DIAPH3: variants seen among roughly 807,000 people sequenced by gnomAD.
DIAPH3 encodes the protein diaphanous related formin 3.
A neutral mutation model predicts 144.3 loss-of-function variants in DIAPH3; 117 were observed. That is an observed-to-expected ratio of 0.81 (90% CI 0.70 to 0.95). The LOEUF (loss-of-function observed/expected upper bound fraction) is 0.95. Among genes scored for constraint, DIAPH3 ranks in the 40% least tolerant of loss-of-function variants. DIAPH3 has a pLI of 0.00. For missense variants in DIAPH3, 1,421 were observed against 1,412.7 expected, an observed-to-expected ratio of 1.01 and a Z score of -0.09; for synonymous variants, 519 against 488.9, an observed-to-expected ratio of 1.06 and a Z score of -0.81.
At chr13:59,750,926 T>C (rs746570036) in intron 27 of DIAPH3, among the ~76,000 whole-genome samples, 2 of 152,210 alleles carry the variant, frequency 1.3e-5, no homozygotes, top group Non-Finnish European at 2.9e-5. Flanking sequence ...CTCTCCCAGA[T>C]CAACAGTTGT....
intron 2 of DIAPH3, among the ~76,000 whole-genome samples, chr13:60,128,666 T>C (rs1412489145): frequency 6.6e-6 from 1 of 152,150 alleles, no homozygotes; most frequent in Non-Finnish European, 1.5e-5. Flanking sequence ...TAGACACTAA[T>C]GCAAAGACCT....
chr13:60,153,144 C>A (rs1951877614), intron 1 of DIAPH3, among the ~76,000 whole-genome samples: 1 of 152,000 alleles, frequency 6.6e-6, no homozygotes, highest in Non-Finnish European at 1.5e-5. Flanking sequence ...GAGGGCCAAG[C>A]AACATCATGA....
rs139173809 is a variant in DIAPH3 at position 59,910,677 on chromosome 13, C to T, written c.2367+1058G>A. ...CTGGGAGGCGCAGGTTTTGGTGAGTCGAGATTGCACCACTTGCACTCCAGC... is the reference window on the plus strand; with the variant it reads ...CTGGGAGGCGCAGGTTTTGGTGAGTTGAGATTGCACCACTTGCACTCCAGC... On this transcript the variant is annotated intron_variant, in intron 20 of 27. Transcript: ENST00000400324. 4.1e-4 allele frequency among the ~76,000 whole-genome samples: 61 copies of T among 148,616 alleles called. 1 individual carries two copies. Among genetic ancestry groups the T allele is most frequent in the East Asian group, 6.0e-4 (3 of 5,032 alleles).
At chr13:59,763,943 C>T (rs1368246494) in intron 27 of DIAPH3, among the ~76,000 whole-genome samples, 2 of 151,900 alleles carry the variant, frequency 1.3e-5, no homozygotes, top group Non-Finnish European at 2.9e-5. Context: ...CGAGCTAGTA[C>T]TGTGGGGAGG....
chr13:59,979,624 AT>A (rs766085625), intron 14 of DIAPH3, among the ~76,000 whole-genome samples: 1 of 151,678 alleles, frequency 6.6e-6, no homozygotes, highest in Non-Finnish European at 1.5e-5. Flanking sequence ...CCCTTAGGAC[AT>A]TTATAATGTT....
chr13:59,876,424 A>G (rs973611014), intron 21 of DIAPH3, among the ~76,000 whole-genome samples: 8 of 152,236 alleles, frequency 5.3e-5, no homozygotes, highest in African/African-American at 1.4e-4. Context: ...CAGACAGATT[A>G]ACTGGTTTGC....
intron 2 of DIAPH3, among the ~76,000 whole-genome samples, chr13:60,128,011 C>G (rs1275455875): frequency 6.6e-6 from 1 of 152,012 alleles, no homozygotes; most frequent in East Asian, 1.9e-4. Context: ...AGGTACTGGT[C>G]CTAGTACTAG....
At chr13:59,673,085 A>G (rs2032463555) in intron 27 of DIAPH3, among the ~76,000 whole-genome samples, 1 of 152,226 alleles carries the variant, frequency 6.6e-6, no homozygotes, top group Admixed American at 6.5e-5. Context: ...GTGTAGGGCT[A>G]CAAGGAAGCT....
At chr13:59,861,729 T>C (rs975176376) in intron 21 of DIAPH3, among the ~76,000 whole-genome samples, 193 bp from the exon 22 acceptor site, 5 of 152,156 alleles carry the variant, frequency 3.3e-5, no homozygotes, top group Admixed American at 6.5e-5. Flanking sequence ...AAAATCATTA[T>C]TTGTCGCAAA....
At chr13:60,152,085 C>T (rs1409025519) in intron 1 of DIAPH3, among the ~76,000 whole-genome samples, 1 of 152,062 alleles carries the variant, frequency 6.6e-6, no homozygotes, top group Non-Finnish European at 1.5e-5. Context: ...AAACAGCCAA[C>T]CTCGGAAAAA....
At chr13:60,135,265 T>G (rs1030471625) in intron 1 of DIAPH3, among the ~76,000 whole-genome samples, 1 of 144,796 alleles carries the variant, frequency 6.9e-6, no homozygotes, top group South Asian at 2.2e-4. Context: ...TTTTTTTTTT[T>G]AATATATACA....
chr13:59,852,823 T>C (rs1290366822), intron 22 of DIAPH3, among the ~76,000 whole-genome samples: 1 of 152,180 alleles, frequency 6.6e-6, no homozygotes, highest in East Asian at 1.9e-4. Context: ...ACAATACATA[T>C]TAAAATTCTA....
intron 20 of DIAPH3, among the ~76,000 whole-genome samples, chr13:59,900,967 C>T (rs1051529744): frequency 6.6e-6 from 1 of 152,196 alleles, no homozygotes; most frequent in African/African-American, 2.4e-5. Context: ...CTGTCAGAAA[C>T]TCTAATTCAC....
chr13:59,869,538 T>C (rs2044130802), intron 21 of DIAPH3, among the ~76,000 whole-genome samples: 1 of 152,220 alleles, frequency 6.6e-6, no homozygotes, highest in Admixed American at 6.5e-5. Flanking sequence ...AAATTACTTT[T>C]AACAAGGCCT....
At chr13:59,889,780 C>A (rs760062932) in intron 20 of DIAPH3, among the ~76,000 whole-genome samples, 3 of 152,046 alleles carry the variant, frequency 2.0e-5, no homozygotes, top group Non-Finnish European at 2.9e-5. Flanking sequence ...GGGTGATCAT[C>A]TTAAGTTGTA....
At chr13:60,133,658 C>T (rs1939836051) in intron 1 of DIAPH3, among the ~76,000 whole-genome samples, 2 of 152,010 alleles carry the variant, frequency 1.3e-5, no homozygotes, top group South Asian at 4.1e-4. Context: ...TAAGACCATT[C>T]TAGAGAGTGA....
At chr13:59,976,509 T>C (rs918154367) in intron 14 of DIAPH3, among the ~76,000 whole-genome samples, 1 of 151,974 alleles carries the variant, frequency 6.6e-6, no homozygotes, top group Non-Finnish European at 1.5e-5. Flanking sequence ...CACCATCCCA[T>C]ATTAGACAGG....
At chr13:59,716,879 G>C (rs1235493679) in intron 27 of DIAPH3, among the ~76,000 whole-genome samples, 1 of 151,878 alleles carries the variant, frequency 6.6e-6, no homozygotes, top group East Asian at 1.9e-4. Flanking sequence ...CCTGACTCTG[G>C]TAGCATACAT....
intron 27 of DIAPH3, among the ~76,000 whole-genome samples, chr13:59,677,925 G>A (rs1212398990): frequency 6.6e-6 from 1 of 152,128 alleles, no homozygotes; most frequent in East Asian, 1.9e-4. Flanking sequence ...GCCTACTGTT[G>A]CTACTGTCTA....
Sources: gnomAD v4.1 joint callset for allele counts (sites outside exome capture counted in the v4.1 genomes callset) on GRCh38, gnomAD v4.1.1 for gene constraint, MANE v1.5 for transcripts, NCBI Gene and HGNC (gene_info 2026-07-23, HGNC 2026-07-21) for gene names.